WIPF3: variants seen among roughly 807,000 people sequenced by gnomAD.
The protein encoded by WIPF3 is WAS/WASL interacting protein family member 3, also known as WAS/WASL-interacting protein family member 3.
In WIPF3, 33 loss-of-function variants were observed where a neutral mutation model predicts 38.9. The ratio of observed to expected loss-of-function variants is 0.85; its 90% CI spans 0.64 to 1.14. The LOEUF is 1.14. WIPF3 is among the 50% of genes most tolerant of loss of function. WIPF3 has a pLI of 0.00. For synonymous variants in WIPF3, 324 were observed against 269.3 expected, an observed-to-expected ratio of 1.20 and a Z score of -1.99; for missense variants, 711 against 652.5, an observed-to-expected ratio of 1.09 and a Z score of -0.98.
intron 2 of WIPF3, among the ~76,000 whole-genome samples, chr7:29,846,392 C>T (rs1037862249): frequency 1.3e-5 from 2 of 152,180 alleles, no homozygotes; most frequent in Non-Finnish European, 2.9e-5. Context: ...CCACCTGTAC[C>T]ACATAGAGTA....
Position 29,834,789 on chromosome 7 carries a change from C to G in WIPF3, c.65C>G (p.Pro22Arg). The change falls in exon 2 of 9, where the codon CCC becomes CGC. Residue 22 changes from proline (P) to arginine (R), a missense_variant. Transcript: ENST00000242140. ...PPPPPPLGAP[P>R]PPPPSAPPVS... Reference sequence around the variant, plus strand: ...CCTCCCCCGCCTCTGGGGGCTCCTCCCCCTCCCCCACCATCAGCACCCCCG... The same window carrying G: ...CCTCCCCCGCCTCTGGGGGCTCCTCGCCCTCCCCCACCATCAGCACCCCCG... 1 of 1,526,762 alleles carries G rather than the reference C, an allele frequency of 6.5e-7. No individual in the cohort carries two copies. The highest frequency in any genetic ancestry group is 8.8e-7 in the Non-Finnish European group (1 of 1,133,288). The allele number at this position is 1,526,762 out of a possible 1,614,324, so 94.6% of individuals were successfully genotyped here. A position where few individuals can be genotyped will look rare whatever the true frequency, so the allele number is the denominator to read the frequency against.
chr7:29,874,137 G>A (rs551555198), intron 2 of WIPF3, among the ~76,000 whole-genome samples: 12 of 151,956 alleles, frequency 7.9e-5, no homozygotes, highest in Admixed American at 3.9e-4. Context: ...GGCTTAACTC[G>A]CTATAGTGTA....
chr7:29,875,937 C>T lies in WIPF3; in HGVS notation c.198C>T (p.Asn66=), dbSNP rs189877440. ...GTRLRKVTQI[N]DRSAPQIESS... ...GCCTGCGCAAAGTCACGCAGATCAA[C>T]GACCGCAGTGCCCCGCAGATCGAGA... Residue 66 remains asparagine (N), a synonymous_variant, in exon 3 of 9, where the codon AAC becomes AAT. Coordinates refer to ENST00000242140, the MANE Select transcript of WIPF3 (RefSeq NM_001080529.3). The T allele has an allele frequency of 1.2e-5, 20 of 1,613,980 alleles. No homozygotes were observed. Among genetic ancestry groups the T allele is most frequent in the Admixed American group, 1.0e-4 (6 of 60,036 alleles).
At chr7:29,885,203 C>T (rs1785848224) in intron 5 of WIPF3, among the ~76,000 whole-genome samples, 2 of 152,214 alleles carry the variant, frequency 1.3e-5, no homozygotes, top group African/African-American at 4.8e-5. Flanking sequence ...AATTCCTTCA[C>T]ATATGCAGCA....
At chr7:29,825,893 C>A (rs1259914568) in intron 1 of WIPF3, among the ~76,000 whole-genome samples, 2 of 152,104 alleles carry the variant, frequency 1.3e-5, no homozygotes, top group African/African-American at 4.8e-5. Context: ...CTTTAATACC[C>A]AGTTAGGGCT....
Position 29,884,306 on chromosome 7 carries a change from G to T in WIPF3, c.812G>T (p.Gly271Val). Reference sequence around the variant, plus strand: ...CCGCTCCCTCTGCTCCCACCTTGTGGGTATCCGGGGCTCAAAGCGGAGCCC... The same window carrying T: ...CCGCTCCCTCTGCTCCCACCTTGTGTGTATCCGGGGCTCAAAGCGGAGCCC... ...PPPLPLLPPCGYPGLKAEPAS... is the reference protein window; with the variant it reads ...PPPLPLLPPCVYPGLKAEPAS... Residue 271 changes from glycine to valine, a missense_variant, in exon 5 of 9, where the codon GGG (glycine) becomes GTG (valine). By Grantham distance (109) the Gly-to-Val change is moderately radical. Coordinates refer to ENST00000242140, the MANE Select transcript of WIPF3 (RefSeq NM_001080529.3). The T allele has an allele frequency of 1.3e-6, 2 of 1,517,964 alleles. No individual in the cohort carries two copies. Among genetic ancestry groups the T allele is most frequent in the Non-Finnish European group, 1.8e-6 (2 of 1,133,014 alleles). The allele number at this position is 1,517,964 out of a possible 1,614,324, so 94.0% of individuals were successfully genotyped here. A position where few individuals can be genotyped will look rare whatever the true frequency, so the allele number is the denominator to read the frequency against.
At chr7:29,840,281 T>C (rs1784893247) in intron 2 of WIPF3, among the ~76,000 whole-genome samples, 1 of 152,192 alleles carries the variant, frequency 6.6e-6, no homozygotes, top group South Asian at 2.1e-4. Context: ...TAAGACCTCC[T>C]CCTGTGCCCC....
At chr7:29,838,226 T>C (rs965850181) in intron 2 of WIPF3, among the ~76,000 whole-genome samples, 1 of 152,202 alleles carries the variant, frequency 6.6e-6, no homozygotes, top group Non-Finnish European at 1.5e-5. Flanking sequence ...CCTAGTGAGA[T>C]ACTTTTTAAA....
intron 1 of WIPF3, among the ~76,000 whole-genome samples, chr7:29,816,268 A>T (rs903262015): frequency 3.9e-5 from 6 of 152,138 alleles, no homozygotes; most frequent in Admixed American, 2.6e-4. Flanking sequence ...CTAGTTATGC[A>T]TTCTTCCAGA....
At chr7:29,876,969 G>A (rs10276961) in intron 3 of WIPF3, among the ~76,000 whole-genome samples, 15,820 of 152,024 alleles carry the variant, frequency 0.1, 856 homozygotes, top group African/African-American at 0.13. Context: ...GTTGAAAGTT[G>A]AAATAATATA....
At chr7:29,848,765 A>T (rs1785043630) in intron 2 of WIPF3, among the ~76,000 whole-genome samples, 1 of 152,184 alleles carries the variant, frequency 6.6e-6, no homozygotes, top group African/African-American at 2.4e-5. Flanking sequence ...TATGTTTTTA[A>T]TAAGCAGGGA....
At position 29,889,328 on chromosome 7, in the gene WIPF3, G is replaced by A. The variant is rs571269176; in HGVS notation, c.1272G>A (p.Thr424=). The A allele has an allele frequency of 1.5e-5, 24 of 1,613,876 alleles. No individual in the cohort carries two copies. The highest frequency in any genetic ancestry group is 1.4e-4 in the South Asian group (13 of 91,062). ...HIIDDFESKF[T]FHSVEDFPPP... is the part of the protein sequence containing the mutation. Reference sequence around the variant, plus strand: ...CAGATGACTTCGAGTCTAAATTCACGTTCCATTCTGTGGAAGACTTTCCCC... The same window carrying A: ...CAGATGACTTCGAGTCTAAATTCACATTCCATTCTGTGGAAGACTTTCCCC... Residue 424 remains threonine, a synonymous_variant, in exon 7 of 9, where the codon ACG becomes ACA. Transcript: ENST00000242140.
chr7:29,830,619 C>CAAAA (rs56261573), intron 1 of WIPF3, among the ~76,000 whole-genome samples: 4 of 100,742 alleles, frequency 4.0e-5, no homozygotes, highest in East Asian at 2.8e-4. Context: ...GACTCTGTCT[C>CAAAA]AAAAAAAAAA....
chr7:29,858,960 A>G (rs964177072), intron 2 of WIPF3, among the ~76,000 whole-genome samples: 1 of 152,230 alleles, frequency 6.6e-6, no homozygotes, highest in African/African-American at 2.4e-5. Flanking sequence ...TATTATGTAT[A>G]AGACACTATG....
At chr7:29,906,252 T>C (rs1786395961) in intron 8 of WIPF3, 2 of 152,122 alleles carry the variant, frequency 1.3e-5, no homozygotes, top group Non-Finnish European at 2.9e-5. Context: ...ACAAAGACTT[T>C]AAAACAACTG....
intron 3 of WIPF3, among the ~76,000 whole-genome samples, chr7:29,877,946 C>T (rs2128074066): frequency 6.6e-6 from 1 of 152,260 alleles, no homozygotes; most frequent in East Asian, 1.9e-4. Flanking sequence ...ATTATTATGT[C>T]TTCCTATGTT....
intron 2 of WIPF3, among the ~76,000 whole-genome samples, chr7:29,842,914 C>T (rs1784936915): frequency 6.6e-6 from 1 of 152,174 alleles, no homozygotes; most frequent in Admixed American, 6.5e-5. Context: ...CTTAGGTTCC[C>T]CTGACACTCT....
intron 5 of WIPF3, among the ~76,000 whole-genome samples, 155 bp from the exon 6 acceptor site, chr7:29,887,913 C>T (rs912478133): frequency 6.6e-6 from 1 of 152,192 alleles, no homozygotes; most frequent in Non-Finnish European, 1.5e-5. Context: ...AGGAGAACTG[C>T]AATTCAGTGC....
intron 7 of WIPF3, among the ~76,000 whole-genome samples, chr7:29,892,350 G>A (rs1378359632): frequency 1.3e-5 from 2 of 152,304 alleles, no homozygotes; most frequent in African/African-American, 2.4e-5. Flanking sequence ...CAGGCTGCAC[G>A]GGGCTGCCTG....
Sources: gnomAD v4.1 joint callset for allele counts (sites outside exome capture counted in the v4.1 genomes callset) on GRCh38, gnomAD v4.1.1 for gene constraint, MANE v1.5 for transcripts, NCBI Gene and HGNC (gene_info 2026-07-23, HGNC 2026-07-21) for gene names.